Variants in ZRANB3 observed in about 807,000 individuals in gnomAD.
The protein encoded by ZRANB3 is DNA annealing helicase and endonuclease ZRANB3.
In ZRANB3, 125 loss-of-function variants were observed where a neutral mutation model predicts 133.8. That is an observed-to-expected ratio of 0.93 (90% CI 0.81 to 1.08). ZRANB3 has a LOEUF of 1.08. Ranked by LOEUF, ZRANB3 falls within the 50% of genes least tolerant of loss-of-function variation. The probability of loss-of-function intolerance (pLI) is 0.00; values close to 1 mark genes in which losing one functional copy is unlikely to be tolerated. For synonymous variants in ZRANB3, 387 were observed against 432.7 expected, an observed-to-expected ratio of 0.89 and a Z score of 1.31; for missense variants, 1,229 against 1,275.5, an observed-to-expected ratio of 0.96 and a Z score of 0.56.
rs1170091302 is a variant in ZRANB3 at position 135,265,639 on chromosome 2, C to G, written c.1434G>C (p.Gln478His). The change falls in exon 12 of 21, where the codon CAG (glutamine) becomes CAC (histidine). Residue 478 changes from glutamine (Q) to histidine (H), a missense_variant. Transcript: ENST00000264159. ...STLNGRKEKI[Q>H]AEEGDKEKWD... The stretch of plus-strand genomic sequence containing the variant: ...ATTTTTCCTTATCACCTTCCTCAGC[C>G]TGAATTTTTTCTTTCCTACCGTTCA... The G allele has an allele frequency of 6.2e-7, 1 of 1,613,710 alleles. No individual in the cohort carries two copies. The highest frequency in any genetic ancestry group is 8.5e-7 in the Non-Finnish European group (1 of 1,179,798).
chr2:135,281,359 T>C (rs1459378509), intron 8 of ZRANB3, among the ~76,000 whole-genome samples: 2 of 152,142 alleles, frequency 1.3e-5, no homozygotes, highest in Admixed American at 6.6e-5. Flanking sequence ...CTTTTTTTTT[T>C]TAAAGCTCTT....
chr2:135,430,637 C>T (rs1689281458), intron 2 of ZRANB3, among the ~76,000 whole-genome samples: 1 of 152,006 alleles, frequency 6.6e-6, no homozygotes, highest in Middle Eastern at 3.2e-3. Flanking sequence ...AGAGTTTTCT[C>T]AATATAAGAC....
Position 135,285,168 on chromosome 2 carries a change from A to G in ZRANB3, c.967-9413T>C, listed in dbSNP as rs371859336. Among the ~76,000 whole-genome samples, 7 of 152,060 alleles carry G rather than the reference A, an allele frequency of 4.6e-5. No homozygotes were observed. In the South Asian group the frequency reaches 8.3e-4, roughly 18 times the overall value. ...CAAAGAGGTTATTTCTTCTTTTTCT[A>G]TGGTAAACTCCTCTATTTGTGATTC... On this transcript the variant is annotated intron_variant, in intron 8 of 20. Transcript: ENST00000264159.
At chr2:135,472,929 A>C (rs1266692585) in intron 2 of ZRANB3, among the ~76,000 whole-genome samples, 2 of 152,244 alleles carry the variant, frequency 1.3e-5, no homozygotes, top group African/African-American at 4.8e-5. Flanking sequence ...CACTTCTAGC[A>C]TATAATATGT....
At chr2:135,288,318 T>G (rs2104790452) in intron 8 of ZRANB3, among the ~76,000 whole-genome samples, 1 of 152,332 alleles carries the variant, frequency 6.6e-6, no homozygotes, top group African/African-American at 2.4e-5. Flanking sequence ...TTTGATATAC[T>G]GTTGGATTTG....
chr2:135,404,419 C>T (rs957033581), intron 2 of ZRANB3, among the ~76,000 whole-genome samples: 6 of 152,152 alleles, frequency 3.9e-5, no homozygotes, highest in South Asian at 2.1e-4. Context: ...TAAAAAGAAA[C>T]GAACAAAGCC....
chr2:135,226,794 A>ACTC lies in ZRANB3; in HGVS notation c.2158+1017_2158+1018insGAG, dbSNP rs891190745. Among the ~76,000 whole-genome samples, 8 of 152,266 alleles carry ACTC rather than the reference A, an allele frequency of 5.3e-5. No homozygotes were observed. The South Asian group carries it at 8.3e-4, about 16-fold the overall frequency. On this transcript the variant is annotated intron_variant, in intron 14 of 20. Transcript: ENST00000264159. Reference sequence around the variant, plus strand: ...TACCAGAGTTTCATCAGCACTTGAGAGTTTCTCACAGTGAGATCAAGAAAA... The same window carrying ACTC: ...TACCAGAGTTTCATCAGCACTTGAGACTCGTTTCTCACAGTGAGATCAAGAAAA...
At chr2:135,386,834 G>T (rs1450231250) in intron 3 of ZRANB3, among the ~76,000 whole-genome samples, 1 of 152,038 alleles carries the variant, frequency 6.6e-6, no homozygotes. Flanking sequence ...ACACACGGGG[G>T]CCTTTCGGGG....
intron 12 of ZRANB3, among the ~76,000 whole-genome samples, chr2:135,263,380 C>T (rs1426796869): frequency 6.6e-6 from 1 of 152,090 alleles, no homozygotes; most frequent in Non-Finnish European, 1.5e-5. Flanking sequence ...CATTTTTTTG[C>T]ATTCTAAAAA....
chr2:135,418,925 C>CTTTTTTTTTTTTTTTTTTTTTTTTTTTTT (rs769271961), intron 2 of ZRANB3, among the ~76,000 whole-genome samples: 2 of 85,898 alleles, frequency 2.3e-5, no homozygotes, highest in African/African-American at 4.5e-5. Context: ...AGGATTCTCT[C>CTTTTTTTTTTTTTTTTTTTTTTTTTTTTT]TTTTTTTTTT....
chr2:135,519,621 C>T (rs1351446061), intron 1 of ZRANB3, among the ~76,000 whole-genome samples: 2 of 152,200 alleles, frequency 1.3e-5, no homozygotes, highest in Non-Finnish European at 2.9e-5. Context: ...TATTAATATA[C>T]TGGTCCTATA....
intron 2 of ZRANB3, among the ~76,000 whole-genome samples, chr2:135,450,943 C>T (rs1489560248): frequency 6.6e-6 from 1 of 152,162 alleles, no homozygotes. Context: ...CAATGCATGC[C>T]AGTGAGCAAA....
chr2:135,243,341 C>A (rs772025589), intron 12 of ZRANB3, among the ~76,000 whole-genome samples: 1 of 152,114 alleles, frequency 6.6e-6, no homozygotes, highest in Non-Finnish European at 1.5e-5. Flanking sequence ...TGGTGAAACC[C>A]CGTCTCTACT....
At chr2:135,488,357 T>C (rs1057133938) in intron 2 of ZRANB3, among the ~76,000 whole-genome samples, 4 of 151,852 alleles carry the variant, frequency 2.6e-5, no homozygotes, top group Non-Finnish European at 4.4e-5. Context: ...ACACATACTG[T>C]TGGAAAAATG....
chr2:135,244,679 AT>A (rs1371619551), intron 12 of ZRANB3, among the ~76,000 whole-genome samples: 1 of 152,144 alleles, frequency 6.6e-6, no homozygotes, highest in African/African-American at 2.4e-5. Flanking sequence ...CAAAAAAAGA[AT>A]TCTCAGGGCC....
Position 135,504,512 on chromosome 2 carries a change from CA to C in ZRANB3, c.-7-17del. On this transcript the variant is annotated splice_polypyrimidine_tract_variant and intron_variant, in intron 1 of 20. Coordinates refer to ENST00000264159, the MANE Select transcript of ZRANB3 (RefSeq NM_032143.4). ...CATGATGATCCTAAAAACAAAGAAA[CA>C]ACAAAAAAGGGAGGGGTATAAGAAA... 1 of 1,584,874 alleles carries C rather than the reference CA, an allele frequency of 6.3e-7. No individual in the cohort carries two copies.
intron 6 of ZRANB3, among the ~76,000 whole-genome samples, chr2:135,332,821 A>T (rs925006649): frequency 6.6e-6 from 1 of 152,168 alleles, no homozygotes; most frequent in Non-Finnish European, 1.5e-5. Context: ...CAAATCCATT[A>T]TATTTTTTCT....
At chr2:135,270,627 C>T (rs914146185) in intron 10 of ZRANB3, among the ~76,000 whole-genome samples, 22 of 152,070 alleles carry the variant, frequency 1.4e-4, no homozygotes, top group Admixed American at 1.3e-4. Context: ...TAAATAACTC[C>T]GATTATTGGA....
At chr2:135,403,343 G>A (rs778146493) in intron 2 of ZRANB3, among the ~76,000 whole-genome samples, 31 of 152,324 alleles carry the variant, frequency 2.0e-4, no homozygotes, top group Non-Finnish European at 4.0e-4. Context: ...CGCCCACAGA[G>A]CCTCGCTCAT....
Sources: gnomAD v4.1 joint callset for allele counts (sites outside exome capture counted in the v4.1 genomes callset) on GRCh38, gnomAD v4.1.1 for gene constraint, MANE v1.5 for transcripts, NCBI Gene and HGNC (gene_info 2026-07-23, HGNC 2026-07-21) for gene names.